Variants in CD96 observed in about 807,000 individuals in gnomAD.
CD96 encodes T-cell surface protein tactile.
In CD96, 70 loss-of-function variants were observed where a neutral mutation model predicts 71.3. The observed-to-expected ratio is 0.98, with a 90% confidence interval of 0.81 to 1.20. CD96 has a LOEUF of 1.20. CD96 is among the 50% of genes most tolerant of loss of function. The probability of loss-of-function intolerance (pLI) is 0.00; values close to 1 mark genes in which losing one functional copy is unlikely to be tolerated. For missense variants in CD96, 742 were observed against 677.5 expected (o/e 1.10, Z -1.06); for synonymous variants, 248 against 233.0 (o/e 1.06, Z -0.59).
At chr3:111,656,681 C>T (rs1940237982), downstream of CD96, among the ~76,000 whole-genome samples, 1 of 151,362 alleles carries the variant, frequency 6.6e-6, no homozygotes, top group South Asian at 2.1e-4. Context: ...GTTGTAAAAA[C>T]AAAAAAGAAG....
intron 4 of CD96, among the ~76,000 whole-genome samples, chr3:111,584,202 A>G (rs1323049680): frequency 1.3e-5 from 2 of 152,188 alleles, no homozygotes; most frequent in African/African-American, 4.8e-5. Context: ...CTAAAACATA[A>G]CAAGAGTCAC....
chr3:111,572,659 A>G (rs907397706), intron 3 of CD96, among the ~76,000 whole-genome samples: 2 of 152,234 alleles, frequency 1.3e-5, no homozygotes, highest in Admixed American at 1.3e-4. Context: ...GGAAGTTTCA[A>G]AGGCCTTCTG....
intron 2 of CD96, among the ~76,000 whole-genome samples, chr3:111,561,222 C>G (rs1935380359): frequency 6.7e-6 from 1 of 148,198 alleles, no homozygotes; most frequent in Non-Finnish European, 1.5e-5. Context: ...CAAAGTCATT[C>G]TCCATCCAGC....
rs1940102404 is a variant in CD96, at chr3:111,651,930, T to C, written c.*2124T>C. 1.3e-5 allele frequency: 2 copies of C among 149,940 alleles called. No homozygotes were observed. The highest frequency in any genetic ancestry group is 2.9e-5 in the Non-Finnish European group (2 of 67,802). 9.3% of individuals were successfully genotyped at this position (149,940 alleles called of 1,614,324 possible). ...AAAGAAAGAAAGAAAGAAATCTACC[T>C]GTCAAGGAACTAAGGTATTTTGCTA... On this transcript the variant is annotated 3_prime_UTR_variant, in exon 14 of 14. Transcript: ENST00000352690.
chr3:111,575,883 T>C (rs1281022453), intron 3 of CD96, among the ~76,000 whole-genome samples: 4 of 152,338 alleles, frequency 2.6e-5, no homozygotes, highest in Middle Eastern at 3.4e-3. Context: ...CCATTAGGCT[T>C]CACCTCCCAA....
At chr3:111,573,347 A>G (rs1936073380) in intron 3 of CD96, among the ~76,000 whole-genome samples, 1 of 152,222 alleles carries the variant, frequency 6.6e-6, no homozygotes, top group South Asian at 2.1e-4. Flanking sequence ...ACAAAACTAT[A>G]TTGGACATAT....
intron 2 of CD96, among the ~76,000 whole-genome samples, chr3:111,553,171 G>GTT (rs142768577): frequency 1.4e-5 from 2 of 141,550 alleles, no homozygotes; most frequent in African/African-American, 5.1e-5. Context: ...GTTATATTTT[G>GTT]TTTTTTTTTT....
chr3:111,578,965 A>G, intron 3 of CD96, 62 bp from the exon 4 acceptor site: 1 of 827,628 alleles, frequency 1.2e-6, no homozygotes. Context: ...TGCTTGTCGA[A>G]TGCCTAGTTC....
chr3:111,639,788 A>G (rs1420639110), intron 12 of CD96, among the ~76,000 whole-genome samples: 1 of 152,146 alleles, frequency 6.6e-6, no homozygotes, highest in Non-Finnish European at 1.5e-5. Flanking sequence ...AGACCCATAG[A>G]TGGTTCATAT....
rs190379159 is a variant in CD96 at position 111,646,799 on chromosome 3, A to G, written c.1478-744A>G. Among the ~76,000 whole-genome samples, 7 of 152,276 alleles carry G rather than the reference A, an allele frequency of 4.6e-5. No homozygotes were observed. In the East Asian group the frequency reaches 1.3e-3, roughly 29 times the overall value. On this transcript the variant is annotated intron_variant, in intron 12 of 13. Coordinates refer to ENST00000352690, the MANE Select transcript of CD96 (RefSeq NM_005816.5). ...TATCACAGCACTATTCACAAAAGCA[A>G]AGACATGGAACTAACCTAAACACCC...
intron 2 of CD96, among the ~76,000 whole-genome samples, chr3:111,555,585 T>C (rs570021501): frequency 4.1e-4 from 62 of 152,388 alleles, no homozygotes; most frequent in African/African-American, 1.5e-3. Context: ...GTCTGCTGAA[T>C]GGGATGAGCT....
intron 12 of CD96, among the ~76,000 whole-genome samples, chr3:111,642,100 GAACA>G (rs1939619493): frequency 6.6e-6 from 1 of 151,990 alleles, no homozygotes; most frequent in Admixed American, 6.6e-5. Context: ...AGAGAAACAA[GAACA>G]AACTGAACCG....
At chr3:111,631,088 T>C (rs878956831) in intron 10 of CD96, among the ~76,000 whole-genome samples, 1 of 151,896 alleles carries the variant, frequency 6.6e-6, no homozygotes, top group Admixed American at 6.6e-5. Context: ...TGAAAACCGG[T>C]ACAGGGTTGC....
chr3:111,545,422 G>T lies in CD96; in HGVS notation c.418+20G>T. ...CACACGGTAAGCATAACTGGTAGAG[G>T]GATGTGCTTTCATTCAGCTCTCTCT... On this transcript the variant is annotated intron_variant, in intron 2 of 13. Transcript: ENST00000352690. 1 of 1,412,832 alleles carries T rather than the reference G, an allele frequency of 7.1e-7. No individual in the cohort carries two copies. Among genetic ancestry groups the T allele is most frequent in the Non-Finnish European group, 1.0e-6 (1 of 997,030 alleles). 87.5% of individuals were successfully genotyped at this position (1,412,832 alleles called of 1,614,324 possible). A position where few individuals can be genotyped will look rare whatever the true frequency, so the allele number is the denominator to read the frequency against.
chr3:111,565,032 A>G (rs1935639957), intron 2 of CD96, among the ~76,000 whole-genome samples: 1 of 152,126 alleles, frequency 6.6e-6, no homozygotes, highest in South Asian at 2.1e-4. Flanking sequence ...CAGCACTGAC[A>G]ACCTTTTTCT....
At chr3:111,577,391 C>T in intron 3 of CD96, 1 of 806,458 alleles carries the variant, frequency 1.2e-6, no homozygotes, top group Non-Finnish European at 2.3e-6. Flanking sequence ...TGCTGAGTGA[C>T]ATGCTCTCCA....
chr3:111,619,020 C>T (rs1938389521), intron 8 of CD96, among the ~76,000 whole-genome samples: 1 of 152,020 alleles, frequency 6.6e-6, no homozygotes, highest in South Asian at 2.1e-4. Flanking sequence ...TCAGTATTTC[C>T]CAAAAGTTAA....
In CD96 at chr3:111,621,438, A is replaced by G. The variant is rs543102569; in HGVS notation, c.1181-2316A>G. 3.9e-5 allele frequency among the ~76,000 whole-genome samples: 6 copies of G among 152,322 alleles called. No individual in the cohort carries two copies. In the South Asian group the frequency reaches 1.2e-3, roughly 32 times the overall value. On this transcript the variant is annotated intron_variant, in intron 8 of 13. Coordinates refer to ENST00000352690, the MANE Select transcript of CD96 (RefSeq NM_005816.5). Reference sequence around the variant, plus strand: ...TATCTCTCAGTATCTCACAGTGTTCAAATTACTTATACCTAATTTATTTAT... The same window carrying G: ...TATCTCTCAGTATCTCACAGTGTTCGAATTACTTATACCTAATTTATTTAT...
rs1014949551 is a variant in CD96 at position 111,650,037 on chromosome 3, G to C, written c.*231G>C. ...ATGTTCACACTCAATGCAATTCGTA[G>C]TGGTTTTCTTGCTTATGTAAGAAGT... On this transcript the variant is annotated 3_prime_UTR_variant, in exon 14 of 14. Coordinates refer to ENST00000352690, the MANE Select transcript of CD96 (RefSeq NM_005816.5). 17 of 534,062 alleles carry C rather than the reference G, an allele frequency of 3.2e-5. No homozygotes were observed. Among genetic ancestry groups the C allele is most frequent in the Non-Finnish European group, 3.4e-6 (1 of 293,672 alleles). 33.1% of individuals were successfully genotyped at this position (534,062 alleles called of 1,614,324 possible). A position where few individuals can be genotyped will look rare whatever the true frequency, so the allele number is the denominator to read the frequency against.
Sources: allele counts gnomAD v4.1 joint callset (sites outside exome capture counted in the v4.1 genomes callset), GRCh38; gene constraint gnomAD v4.1.1; transcripts MANE v1.5; gene names NCBI Gene and HGNC (gene_info 2026-07-23, HGNC 2026-07-21).